PHGDH: variants seen among roughly 807,000 people sequenced by gnomAD.
PHGDH encodes the protein D-3-phosphoglycerate dehydrogenase.
Under a neutral mutation model 52.6 loss-of-function variants are expected in PHGDH, and 50 were observed. The observed-to-expected ratio is 0.95, with a 90% CI of 0.76 to 1.20. The LOEUF is 1.20. Ranked by LOEUF, PHGDH falls within the 50% of genes most tolerant of loss-of-function variation. The probability of loss-of-function intolerance (pLI) is 0.00; values close to 1 mark genes in which losing one functional copy is unlikely to be tolerated. For synonymous variants in PHGDH, 271 were observed against 280.5 expected, an observed-to-expected ratio of 0.97 and a Z score of 0.34; for missense variants, 630 against 684.6, an observed-to-expected ratio of 0.92 and a Z score of 0.89.
intron 11 of PHGDH, 40 bp downstream of exon 11, chr1:119,743,084 C>A: frequency 1.5e-6 from 2 of 1,331,808 alleles, no homozygotes; most frequent in Non-Finnish European, 2.2e-6. Context: ...GTCCTTGAGG[C>A]TGGGGTGGGG....
rs1651881126 is a variant in PHGDH, at chr1:119,735,301, T to C, written c.650T>C (p.Leu217Pro). 6.2e-7 allele frequency: 1 copy of C among 1,614,096 alleles called. No individual in the cohort carries two copies. Among genetic ancestry groups the C allele is most frequent in the Non-Finnish European group, 8.5e-7 (1 of 1,180,046 alleles). Reference protein sequence around the residue: ...TPLLPSTTGLLNDNTFAQCKK... With the variant: ...TPLLPSTTGLPNDNTFAQCKK... The stretch of plus-strand genomic sequence containing the variant: ...ATGCTTCGCTTTCTTCCAGGCTTGC[T>C]GAATGACAACACCTTTGCCCAGTGC... The change falls in exon 7 of 12, where the codon CTG (leucine) becomes CCG (proline). Residue 217 changes from leucine to proline, a missense_variant. By Grantham distance (98) the Leu-to-Pro change is moderately conservative. Coordinates refer to ENST00000641023, the MANE Select transcript of PHGDH (RefSeq NM_006623.4).
chr1:119,726,496 A>T, intron 3 of PHGDH: 1 of 410,104 alleles, frequency 2.4e-6, no homozygotes. Context: ...CGATGTCATC[A>T]GAGTTGCCCA....
intron 6 of PHGDH, 72 bp downstream of exon 6, chr1:119,734,838 G>T: frequency 6.5e-7 from 1 of 1,535,710 alleles, no homozygotes; most frequent in South Asian, 1.1e-5. Context: ...CCTCCATCTG[G>T]GCCTTCCCCA....
At chr1:119,725,085 C>T (rs1651347569) in intron 3 of PHGDH, 3 of 437,558 alleles carry the variant, frequency 6.9e-6, no homozygotes, top group South Asian at 1.6e-5. Flanking sequence ...TGCAGAAGAA[C>T]AGCACACAGA....
intron 1 of PHGDH, among the ~76,000 whole-genome samples, chr1:119,717,549 G>C (rs1002956618): frequency 6.6e-6 from 1 of 151,982 alleles, no homozygotes; most frequent in South Asian, 2.1e-4. Flanking sequence ...AATTCATCTG[G>C]ATTTTTAAAA....
At chr1:119,743,392 A>C (rs1571021506) in intron 11 of PHGDH, among the ~76,000 whole-genome samples, 1 of 151,730 alleles carries the variant, frequency 6.6e-6, no homozygotes. Flanking sequence ...CAGGTTTCTT[A>C]CTCCTACCTG....
chr1:119,712,072 C>T lies in PHGDH; in HGVS notation c.50C>T (p.Pro17Leu). 6 of 1,614,172 alleles carry T rather than the reference C, an allele frequency of 3.7e-6. No individual in the cohort carries two copies. Among genetic ancestry groups the T allele is most frequent in the Non-Finnish European group, 5.1e-6 (6 of 1,180,006 alleles). Residue 17 changes from proline (P) to leucine (L), a missense_variant, in exon 1 of 12, where the codon CCT becomes CTT. Pro to Leu is a moderately conservative substitution (Grantham distance 98). Coordinates refer to ENST00000641023, the MANE Select transcript of PHGDH (RefSeq NM_006623.4). ...RKVLISDSLD[P>L]CCRKILQDGG... The stretch of plus-strand genomic sequence containing the variant: ...GTGCTCATCAGTGACAGCCTGGACC[C>T]TTGCTGCCGGAAGATCTTGCAAGAT...
rs2101229974 is a variant in PHGDH, at chr1:119,744,090, C to T, written c.*50C>T. ...TCTGGGGCTTTTCTGAAGAAACCCA[C>T]CCACTGTGATCAATAGGGAGAGAAA... is the stretch of plus-strand genomic sequence containing the variant. On this transcript the variant is annotated 3_prime_UTR_variant, in exon 12 of 12. Coordinates refer to ENST00000641023, the MANE Select transcript of PHGDH (RefSeq NM_006623.4). 6.4e-7 allele frequency: 1 copy of T among 1,557,076 alleles called. No individual in the cohort carries two copies. Among genetic ancestry groups the T allele is most frequent in the South Asian group, 1.1e-5 (1 of 89,860 alleles).
At position 119,743,942 on chromosome 1, in the gene PHGDH, G is replaced by A. The variant is rs1028950690; in HGVS notation, c.1504G>A (p.Asp502Asn). ...GTCCTACCAGACTTCACTGGTGTCA[G>A]ATGGGGAGACCTGGCACGTCATGGG... is the stretch of plus-strand genomic sequence containing the variant. ...LLSYQTSLVS[D>N]GETWHVMGIS... The change falls in exon 12 of 12, where the codon GAT (aspartate) becomes AAT (asparagine). Residue 502 changes from aspartate to asparagine, a missense_variant. Asp to Asn is a conservative substitution (Grantham distance 23). Transcript: ENST00000641023. 7 of 1,613,836 alleles carry A rather than the reference G, an allele frequency of 4.3e-6. No homozygotes were observed. The Admixed American group carries it at 1.2e-4, about 27-fold the overall frequency.
chr1:119,725,312 T>C (rs1367734178), intron 3 of PHGDH, among the ~76,000 whole-genome samples: 1 of 152,056 alleles, frequency 6.6e-6, no homozygotes, highest in Non-Finnish European at 1.5e-5. Context: ...AGAAAAGGGT[T>C]AGGGATTTCT....
intron 3 of PHGDH, among the ~76,000 whole-genome samples, chr1:119,725,803 T>C (rs965085284): frequency 2.6e-5 from 4 of 152,192 alleles, no homozygotes; most frequent in African/African-American, 9.7e-5. Flanking sequence ...GGCCTACATT[T>C]AAGTACTCAG....
intron 5 of PHGDH, chr1:119,729,554 ATTC>A (rs1400553407): frequency 6.6e-6 from 1 of 152,062 alleles, no homozygotes. Flanking sequence ...TCCTGGCAAT[ATTC>A]TTCATCATGG....
Position 119,742,921 on chromosome 1 carries a change from A to G in PHGDH, c.1324A>G (p.Thr442Ala). 6.2e-7 allele frequency: 1 copy of G among 1,613,888 alleles called. No individual in the cohort carries two copies. The stretch of plus-strand genomic sequence containing the variant: ...GGCTGTGGGCTTGGTCCAAGGCACT[A>G]CGCCTGTACTGCAGGGGCTCAATGG... Reference protein sequence around the residue: ...YQAVGLVQGTTPVLQGLNGAV... With the variant: ...YQAVGLVQGTAPVLQGLNGAV... The change falls in exon 11 of 12, where the codon ACG becomes GCG. Residue 442 changes from threonine to alanine, a missense_variant. By Grantham distance (58) the Thr-to-Ala change is moderately conservative. Transcript: ENST00000641023.
At chr1:119,740,285 A>C (rs1652136879) in intron 8 of PHGDH, 101 bp from the exon 9 acceptor site, 1 of 1,264,512 alleles carries the variant, frequency 7.9e-7, no homozygotes, top group Non-Finnish European at 1.1e-6. Flanking sequence ...GAGTGACCCT[A>C]TACTGTCTTT....
rs1000712015 is a variant in PHGDH, at chr1:119,730,668, A to G, written c.510+3566A>G. 2.6e-5 allele frequency among the ~76,000 whole-genome samples: 4 copies of G among 152,348 alleles called. No individual in the cohort carries two copies. In the South Asian group the frequency reaches 6.2e-4, roughly 24 times the overall value. On this transcript the variant is annotated intron_variant, in intron 5 of 11. Coordinates refer to ENST00000641023, the MANE Select transcript of PHGDH (RefSeq NM_006623.4). ...CAGATAAATTGCTTTTTATTTGGCCATTCTCTCAATGATGGGTATTTAGAT... is the reference window on the plus strand; with the variant it reads ...CAGATAAATTGCTTTTTATTTGGCCGTTCTCTCAATGATGGGTATTTAGAT...
chr1:119,718,287 G>C (rs1445631220), intron 1 of PHGDH, among the ~76,000 whole-genome samples: 1 of 152,212 alleles, frequency 6.6e-6, no homozygotes, highest in African/African-American at 2.4e-5. Flanking sequence ...TGTGACTTCA[G>C]CAAGTTCTCT....
At chr1:119,730,521 G>A (rs1201500401) in intron 5 of PHGDH, among the ~76,000 whole-genome samples, 1 of 152,174 alleles carries the variant, frequency 6.6e-6, no homozygotes, top group Non-Finnish European at 1.5e-5. Context: ...TTCCATGCCT[G>A]TGGATGGATT....
intron 10 of PHGDH, chr1:119,742,202 G>C (rs1384134370): frequency 2.3e-6 from 1 of 441,066 alleles, no homozygotes; most frequent in Non-Finnish European, 4.2e-6. Context: ...TGGCTGCCAG[G>C]CCATGTTTGA....
At chr1:119,743,637 G>A (rs940838079) in intron 11 of PHGDH, among the ~76,000 whole-genome samples, 2 of 152,194 alleles carry the variant, frequency 1.3e-5, no homozygotes, top group Admixed American at 6.5e-5. Flanking sequence ...GCTGTTGGCT[G>A]GATAAAACTG....
Sources: gnomAD v4.1 joint callset for allele counts (sites outside exome capture counted in the v4.1 genomes callset) on GRCh38, gnomAD v4.1.1 for gene constraint, MANE v1.5 for transcripts, NCBI Gene and HGNC (gene_info 2026-07-23, HGNC 2026-07-21) for gene names.